The following SLCO1B1 variants were observed in gnomAD, a reference collection of about 807,000 sequenced individuals.
SLCO1B1 encodes solute carrier organic anion transporter family member 1B1, also known as OATP-2.
A neutral mutation model predicts 70.1 loss-of-function variants in SLCO1B1; 81 were observed. That is an observed-to-expected ratio of 1.16 (90% CI 0.97 to 1.39). The LOEUF is 1.39. SLCO1B1 is among the 40% of genes most tolerant of loss of function. The pLI is 0.00. For missense variants in SLCO1B1, 895 were observed against 799.6 expected (o/e 1.12, Z -1.44); for synonymous variants, 283 against 271.5 (o/e 1.04, Z -0.42).
At chr12:21,214,377 G>C (rs1472716281) in intron 11 of SLCO1B1, among the ~76,000 whole-genome samples, 2 of 149,984 alleles carry the variant, frequency 1.3e-5, no homozygotes, top group Admixed American at 1.3e-4. Flanking sequence ...GCTGCTCAGG[G>C]GTCAGGGGTC....
At chr12:21,183,591 A>G (rs935801083) in intron 7 of SLCO1B1, among the ~76,000 whole-genome samples, 1 of 152,234 alleles carries the variant, frequency 6.6e-6, no homozygotes, top group Admixed American at 6.5e-5. Context: ...CCCAGAAATT[A>G]AACCAACTGA....
Position 21,176,930 on chromosome 12 carries a change from T to C in SLCO1B1, c.481+33T>C, listed in dbSNP as rs759174951. 35 of 1,457,984 alleles carry C rather than the reference T, an allele frequency of 2.4e-5. No homozygotes were observed. The South Asian group carries it at 3.7e-4, about 16-fold the overall frequency. The allele number at this position is 1,457,984 out of a possible 1,614,324, so 90.3% of individuals were successfully genotyped here. ...TTAATATTGACAGTAAAAAGTCTTC[T>C]AAAATGTATACATTTAATTACATCT... On this transcript the variant is annotated intron_variant, in intron 5 of 14. Coordinates refer to ENST00000256958, the MANE Select transcript of SLCO1B1 (RefSeq NM_006446.5).
chr12:21,181,666 A>G (rs991263), intron 7 of SLCO1B1, among the ~76,000 whole-genome samples: 132,764 of 152,104 alleles, frequency 0.87, 58,134 homozygotes, highest in East Asian at 1. Context: ...TTCTTTTATT[A>G]TGGTAAGAAC....
intron 14 of SLCO1B1, 30 bp from the exon 15 acceptor site, chr12:21,238,949 T>G: frequency 7.4e-7 from 1 of 1,346,284 alleles, no homozygotes; most frequent in Non-Finnish European, 1.1e-6. Flanking sequence ...TTTAAACTGA[T>G]TTATTGTTTT....
At chr12:21,223,148 T>A (rs1478089726) in intron 13 of SLCO1B1, among the ~76,000 whole-genome samples, 1 of 152,124 alleles carries the variant, frequency 6.6e-6, no homozygotes, top group Non-Finnish European at 1.5e-5. Context: ...GAAATGAGAC[T>A]ATGAGAATGG....
At chr12:21,179,483 C>T (rs557445432) in intron 7 of SLCO1B1, among the ~76,000 whole-genome samples, 2 of 152,200 alleles carry the variant, frequency 1.3e-5, no homozygotes, top group African/African-American at 4.8e-5. Flanking sequence ...TAGCAGAGGG[C>T]TTGGCGTATG....
intron 7 of SLCO1B1, 45 bp downstream of exon 7, chr12:21,179,065 C>A: frequency 8.4e-7 from 1 of 1,195,702 alleles, no homozygotes; most frequent in Non-Finnish European, 1.3e-6. Flanking sequence ...TCTTTCTAAG[C>A]ACACATGCGA....
chr12:21,158,613 G>C (rs749452395), intron 2 of SLCO1B1, among the ~76,000 whole-genome samples: 10 of 151,974 alleles, frequency 6.6e-5, no homozygotes, highest in Non-Finnish European at 1.5e-4. Context: ...AGAATCGCTT[G>C]AACCCAGGAG....
chr12:21,164,001 T>C (rs1245025654), intron 2 of SLCO1B1, among the ~76,000 whole-genome samples: 1 of 151,960 alleles, frequency 6.6e-6, no homozygotes, highest in Non-Finnish European at 1.5e-5. Flanking sequence ...GGAGGAATTA[T>C]GCAAAAAATA....
At chr12:21,145,753 A>C (rs751228120) in intron 2 of SLCO1B1, among the ~76,000 whole-genome samples, 1 of 152,092 alleles carries the variant, frequency 6.6e-6, no homozygotes, top group African/African-American at 2.4e-5. Context: ...TAGGCATAAA[A>C]TGGTACTTTG....
intron 7 of SLCO1B1, among the ~76,000 whole-genome samples, chr12:21,195,902 CT>C (rs1359436259): frequency 2.6e-5 from 4 of 152,180 alleles, no homozygotes; most frequent in African/African-American, 9.6e-5. Context: ...TGCAGTCTCA[CT>C]CTGTCTCTCC....
At chr12:21,234,762 C>CA (rs1164283861) in intron 14 of SLCO1B1, among the ~76,000 whole-genome samples, 3 of 152,018 alleles carry the variant, frequency 2.0e-5, no homozygotes, top group Non-Finnish European at 2.9e-5. Flanking sequence ...TTGTTTAAAA[C>CA]AAAAAAATTG....
chr12:21,166,102 AAG>A (rs1167240097), intron 2 of SLCO1B1, among the ~76,000 whole-genome samples: 1 of 152,106 alleles, frequency 6.6e-6, no homozygotes, highest in Non-Finnish European at 1.5e-5. Context: ...CTAGAAAGAG[AAG>A]AGACAGAGAA....
chr12:21,229,288 A>G (rs11045878), intron 14 of SLCO1B1, among the ~76,000 whole-genome samples: 48,955 of 151,144 alleles, frequency 0.32, 8,324 homozygotes, highest in East Asian at 0.45. Context: ...CACTCTTGAC[A>G]TTGTACTTTT....
chr12:21,202,517 A>G lies in SLCO1B1; in HGVS notation c.1162A>G (p.Ser388Gly). The G allele has an allele frequency of 6.2e-7, 1 of 1,607,500 alleles. No homozygotes were observed. The highest frequency in any genetic ancestry group is 8.5e-7 in the Non-Finnish European group (1 of 1,177,684). The change falls in exon 10 of 15, where the codon AGT (serine) becomes GGT (glycine). Residue 388 changes from serine to glycine, a missense_variant. Coordinates refer to ENST00000256958, the MANE Select transcript of SLCO1B1 (RefSeq NM_006446.5). ...AGTCATAACCATACCTATTTTTGCA[A>G]GTGGAATGTTTTTAGGAGGATATAT... The part of the protein sequence containing the change: ...LGVITIPIFA[S>G]GMFLGGYIIK...
chr12:21,180,416 T>G (rs1417123856), intron 7 of SLCO1B1, among the ~76,000 whole-genome samples: 1 of 152,196 alleles, frequency 6.6e-6, no homozygotes, highest in Non-Finnish European at 1.5e-5. Flanking sequence ...GAGCATGCCT[T>G]TATTGTAACC....
intron 12 of SLCO1B1, among the ~76,000 whole-genome samples, chr12:21,220,815 TAAAA>T (rs35163063): frequency 8.2e-6 from 1 of 121,542 alleles, no homozygotes. Context: ...AAGACTGGTC[TAAAA>T]AAAAAAAAAA....
intron 11 of SLCO1B1, among the ~76,000 whole-genome samples, chr12:21,214,909 G>A (rs543829419): frequency 1.6e-4 from 25 of 152,042 alleles, no homozygotes; most frequent in Non-Finnish European, 3.7e-4. Flanking sequence ...GCAATGCCTC[G>A]CCCTGCTTCG....
chr12:21,152,773 A>G (rs1451514129), intron 2 of SLCO1B1, among the ~76,000 whole-genome samples: 2 of 151,970 alleles, frequency 1.3e-5, no homozygotes, highest in Non-Finnish European at 2.9e-5. Context: ...AAGGGCAAGC[A>G]CTAAAAGTCC....
Sources: gnomAD v4.1 joint callset for allele counts (sites outside exome capture counted in the v4.1 genomes callset) on GRCh38, gnomAD v4.1.1 for gene constraint, MANE v1.5 for transcripts, NCBI Gene and HGNC (gene_info 2026-07-23, HGNC 2026-07-21) for gene names.